The following FUT8 variants were observed in gnomAD, a reference collection of about 807,000 sequenced individuals.
FUT8 encodes the protein fucosyltransferase 8.
In FUT8, 29 loss-of-function variants were observed where a neutral mutation model predicts 71.3. The ratio of observed to expected loss-of-function variants is 0.41; its 90% CI spans 0.30 to 0.55. The LOEUF is 0.55. FUT8 is among the 20% of genes least tolerant of loss of function. The probability of loss-of-function intolerance (pLI) is 0.34; values close to 1 mark genes in which losing one functional copy is unlikely to be tolerated. For synonymous variants in FUT8, 254 were observed against 239.3 expected, an observed-to-expected ratio of 1.06 and a Z score of -0.57; for missense variants, 544 against 702.1, an observed-to-expected ratio of 0.77 and a Z score of 2.55.
intron 7 of FUT8, among the ~76,000 whole-genome samples, chr14:65,715,149 G>T (rs986260777): frequency 1.3e-5 from 2 of 152,172 alleles, no homozygotes; most frequent in African/African-American, 4.8e-5. Context: ...CATCTTTGTT[G>T]TGTTCCAGAT....
At chr14:65,445,821 G>A (rs1028268039) in intron 1 of FUT8, among the ~76,000 whole-genome samples, 2 of 152,192 alleles carry the variant, frequency 1.3e-5, no homozygotes, top group African/African-American at 2.4e-5. Context: ...TAGAAACAGA[G>A]TCTCACTATG....
At chr14:65,733,155 GTC>G in intron 9 of FUT8, 74 bp from the exon 10 acceptor site, 2 of 864,174 alleles carry the variant, frequency 2.3e-6, no homozygotes, top group South Asian at 2.2e-5. Context: ...GAAGCTCTTA[GTC>G]AAAGGAGAAA....
intron 7 of FUT8, among the ~76,000 whole-genome samples, chr14:65,677,167 CGCGCACGT>C (rs1566890684): frequency 1.5e-4 from 15 of 100,798 alleles, no homozygotes; most frequent in African/African-American, 6.6e-4. Context: ...CGCGCATGCG[CGCGCACGT>C]ATGTGTGTGC....
chr14:65,402,821 A>G, the FUT8 span, among the ~76,000 whole-genome samples: 3 of 152,178 alleles, frequency 2.0e-5, no homozygotes, highest in Admixed American at 6.5e-5. Context: ...AAACTAAATG[A>G]TCAGTCTTGA....
At chr14:65,585,742 G>A (rs7160390) in intron 3 of FUT8, among the ~76,000 whole-genome samples, 126,207 of 152,244 alleles carry the variant, frequency 0.83, 52,577 homozygotes, top group East Asian at 1. Flanking sequence ...TCTAATTAGC[G>A]TAGTTTCCTT....
At chr14:65,588,252 C>G (rs974396385) in intron 3 of FUT8, among the ~76,000 whole-genome samples, 19 of 152,134 alleles carry the variant, frequency 1.2e-4, no homozygotes, top group African/African-American at 3.9e-4. Context: ...ATGTGGCATG[C>G]TCTTTCACAC....
At chr14:65,372,663 C>T in the FUT8 span, among the ~76,000 whole-genome samples, 1 of 152,168 alleles carries the variant, frequency 6.6e-6, no homozygotes, top group East Asian at 1.9e-4. Context: ...GCAATCCGCC[C>T]ACCTCGGCCT....
At chr14:65,417,309 G>A (rs1409904179) in intron 1 of FUT8, among the ~76,000 whole-genome samples, 1 of 80,712 alleles carries the variant, frequency 1.2e-5, no homozygotes, top group East Asian at 7.7e-4. Context: ...CTAATCTCCT[G>A]GCATTTTTTT....
intron 5 of FUT8, among the ~76,000 whole-genome samples, chr14:65,626,892 T>A (rs1566860794): frequency 6.6e-6 from 1 of 152,202 alleles, no homozygotes; most frequent in Non-Finnish European, 1.5e-5. Context: ...GAGGAGTTAA[T>A]ACAAAGTGTT....
Position 65,524,605 on chromosome 14 carries a change from A to T in FUT8, c.-227-36732A>T, listed in dbSNP as rs554957412. Reference sequence around the variant, plus strand: ...GATTGCCCTGGCCAGAACTTCCAACACTATGTTAAATAGGAGTGGTGAGCG... The same window carrying T: ...GATTGCCCTGGCCAGAACTTCCAACTCTATGTTAAATAGGAGTGGTGAGCG... On this transcript the variant is annotated intron_variant, in intron 2 of 10. Transcript: ENST00000673929. Among the ~76,000 whole-genome samples the T allele has an allele frequency of 7.2e-5, 11 of 152,288 alleles. No homozygotes were observed. In the South Asian group the frequency reaches 2.3e-3, roughly 32 times the overall value.
chr14:65,474,930 C>A (rs975029361), intron 2 of FUT8, among the ~76,000 whole-genome samples: 22 of 152,196 alleles, frequency 1.4e-4, no homozygotes, highest in African/African-American at 5.3e-4. Context: ...CTCAAGCAGT[C>A]CTCCTGCCTC....
chr14:65,741,312 C>G (rs1896485019), intron 10 of FUT8, among the ~76,000 whole-genome samples: 1 of 151,864 alleles, frequency 6.6e-6, no homozygotes, highest in African/African-American at 2.4e-5. Context: ...ATGCCACTCT[C>G]TACACAGCAC....
chr14:65,464,722 A>G (rs2139600041), intron 2 of FUT8, among the ~76,000 whole-genome samples: 1 of 152,188 alleles, frequency 6.6e-6, no homozygotes, highest in South Asian at 2.1e-4. Context: ...GTCGTGGTGT[A>G]TAATGTGATT....
At chr14:65,415,564 G>GT (rs1329567468) in intron 1 of FUT8, among the ~76,000 whole-genome samples, 1 of 151,742 alleles carries the variant, frequency 6.6e-6, no homozygotes, top group Non-Finnish European at 1.5e-5. Context: ...CTTAAATTTT[G>GT]TTTTTATAAT....
chr14:65,680,223 G>A lies in FUT8; in HGVS notation c.835+10743G>A, dbSNP rs1892971994. ...AGAGCTAGAGGGCTGATGGTGTAAT[G>A]ATTCCAGTTCAAGCCTGAAGGCCTG... On this transcript the variant is annotated intron_variant, in intron 7 of 10. Coordinates refer to ENST00000673929, the MANE Select transcript of FUT8 (RefSeq NM_001371533.1). Among the ~76,000 whole-genome samples the A allele has an allele frequency of 2.6e-5, 4 of 152,226 alleles. No homozygotes were observed. The South Asian group carries it at 8.3e-4, about 32-fold the overall frequency.
chr14:65,473,719 T>C (rs1338441998), intron 2 of FUT8, among the ~76,000 whole-genome samples: 1 of 152,196 alleles, frequency 6.6e-6, no homozygotes, highest in African/African-American at 2.4e-5. Context: ...GGCATCTTTG[T>C]CAGGATTATT....
intron 1 of FUT8, among the ~76,000 whole-genome samples, chr14:65,425,752 C>T (rs1191253263): frequency 6.6e-6 from 1 of 151,784 alleles, no homozygotes; most frequent in African/African-American, 2.4e-5. Flanking sequence ...TTGAGGCAGG[C>T]GGATCATGAG....
chr14:65,512,904 T>C (rs972146326), intron 2 of FUT8, among the ~76,000 whole-genome samples: 1 of 114,540 alleles, frequency 8.7e-6, no homozygotes, highest in Admixed American at 8.5e-5. Context: ...TGAGACTCTG[T>C]CTCAAAAAAA....
At chr14:65,471,729 T>A (rs1019847833) in intron 2 of FUT8, among the ~76,000 whole-genome samples, 1 of 151,914 alleles carries the variant, frequency 6.6e-6, no homozygotes, top group Non-Finnish European at 1.5e-5. Flanking sequence ...CTAAGAAGAG[T>A]TGGATTATCA....
Sources: allele counts gnomAD v4.1 joint callset (sites outside exome capture counted in the v4.1 genomes callset), GRCh38; gene constraint gnomAD v4.1.1; transcripts MANE v1.5; gene names NCBI Gene and HGNC (gene_info 2026-07-23, HGNC 2026-07-21).